Variants in SLC20A2 observed in about 807,000 individuals in gnomAD.
The protein encoded by SLC20A2 is sodium-dependent phosphate transporter 2.
Under a neutral mutation model 61.0 loss-of-function variants are expected in SLC20A2, and 30 were observed. The ratio of observed to expected loss-of-function variants is 0.49; its 90% CI spans 0.37 to 0.67. The LOEUF is 0.67. Among genes scored for constraint, SLC20A2 ranks in the 30% least tolerant of loss-of-function variants. SLC20A2 has a pLI of 0.00. For synonymous variants in SLC20A2, 351 were observed against 353.3 expected (o/e 0.99, Z 0.07); for missense variants, 626 against 866.4 (o/e 0.72, Z 3.48).
intron 1 of SLC20A2, among the ~76,000 whole-genome samples, chr8:42,493,771 A>C (rs865872391): frequency 6.6e-6 from 1 of 152,308 alleles, no homozygotes; most frequent in East Asian, 1.9e-4. Context: ...TGACCAGTAC[A>C]CATCAGTTTA....
intron 1 of SLC20A2, among the ~76,000 whole-genome samples, chr8:42,515,367 G>A (rs774696897): frequency 5.9e-5 from 9 of 152,144 alleles, no homozygotes; most frequent in Non-Finnish European, 1.5e-5. Context: ...TAGACATGCT[G>A]TGTTCAAGAT....
At chr8:42,539,881 T>G (rs553392423) in intron 1 of SLC20A2, among the ~76,000 whole-genome samples, 2 of 152,340 alleles carry the variant, frequency 1.3e-5, no homozygotes, top group East Asian at 3.8e-4. Context: ...AGGGACTAAT[T>G]GTACTTCTAT....
Position 42,424,625 on chromosome 8 carries a change from T to C in SLC20A2, c.1794+4133A>G, listed in dbSNP as rs532323413. Among the ~76,000 whole-genome samples, 7 of 152,340 alleles carry C rather than the reference T, an allele frequency of 4.6e-5. No individual in the cohort carries two copies. In the South Asian group the frequency reaches 1.4e-3, roughly 32 times the overall value. The stretch of plus-strand genomic sequence containing the variant: ...TCAAACAGACTGCCTTATATATGCC[T>C]TCTGGAATAAAATGTGATAACAGGA... On this transcript the variant is annotated intron_variant, in intron 10 of 10. Coordinates refer to ENST00000520262, the MANE Select transcript of SLC20A2 (RefSeq NM_001257180.2).
intron 1 of SLC20A2, among the ~76,000 whole-genome samples, chr8:42,509,907 G>T (rs1041474949): frequency 6.6e-6 from 1 of 152,150 alleles, no homozygotes; most frequent in Non-Finnish European, 1.5e-5. Flanking sequence ...GGCTTATTAA[G>T]TGCAACCTTC....
intron 8 of SLC20A2, 114 bp from the exon 9 acceptor site, chr8:42,430,363 TTTTC>T (rs1267579136): frequency 9.8e-6 from 9 of 918,642 alleles, no homozygotes; most frequent in South Asian, 5.6e-5. Flanking sequence ...GATATGATGT[TTTTC>T]TTTCTTTTTT....
intron 4 of SLC20A2, among the ~76,000 whole-genome samples, chr8:42,460,463 T>A (rs1363826943): frequency 6.6e-6 from 1 of 152,232 alleles, no homozygotes; most frequent in African/African-American, 2.4e-5. Context: ...GACTTCAGCA[T>A]CACTGCATTA....
chr8:42,442,346 T>A (rs1378613449), intron 6 of SLC20A2, among the ~76,000 whole-genome samples: 2 of 152,258 alleles, frequency 1.3e-5, no homozygotes, highest in Non-Finnish European at 2.9e-5. Flanking sequence ...TATTGTTTTT[T>A]AAATTTTATA....
chr8:42,459,529 G>A (rs1223831768), intron 5 of SLC20A2, among the ~76,000 whole-genome samples: 2 of 152,176 alleles, frequency 1.3e-5, no homozygotes, highest in East Asian at 3.8e-4. Context: ...GCACAACCCT[G>A]TAGGCCTGTG....
rs867055001 is a variant in SLC20A2, at chr8:42,449,061, A to G, written c.614-4299T>C. ...ACGGTTTTTCTCCTAAAAACTCAAG[A>G]CTGGCTTCTACACAACAACATTTTT... On this transcript the variant is annotated intron_variant, in intron 5 of 10. Transcript: ENST00000520262. 2.0e-5 allele frequency among the ~76,000 whole-genome samples: 3 copies of G among 152,332 alleles called. No individual in the cohort carries two copies. The East Asian group carries it at 5.8e-4, about 29-fold the overall frequency.
chr8:42,432,503 T>A (rs1288127970), intron 8 of SLC20A2, among the ~76,000 whole-genome samples: 1 of 152,244 alleles, frequency 6.6e-6, no homozygotes, highest in African/African-American at 2.4e-5. Flanking sequence ...CAAACTCAGT[T>A]ATCAGAGCAG....
intron 5 of SLC20A2, among the ~76,000 whole-genome samples, chr8:42,447,443 C>T (rs905235287): frequency 2.6e-5 from 4 of 152,024 alleles, no homozygotes; most frequent in African/African-American, 4.8e-5. Context: ...TTTGGGAGGC[C>T]AAGGCGGGCA....
At chr8:42,476,758 C>A (rs1808141103) in intron 1 of SLC20A2, among the ~76,000 whole-genome samples, 1 of 152,204 alleles carries the variant, frequency 6.6e-6, no homozygotes. Context: ...CCAGCAAGCA[C>A]CTGCCTGAGG....
At chr8:42,443,749 C>T in intron 6 of SLC20A2, among the ~76,000 whole-genome samples, 1 of 152,178 alleles carries the variant, frequency 6.6e-6, no homozygotes, top group African/African-American at 2.4e-5. Flanking sequence ...GAGCTGCCTT[C>T]TCCAACCCCC....
At chr8:42,512,219 A>T (rs1313645406) in intron 1 of SLC20A2, among the ~76,000 whole-genome samples, 1 of 152,150 alleles carries the variant, frequency 6.6e-6, no homozygotes, top group African/African-American at 2.4e-5. Context: ...TCTGTTTTTT[A>T]AAAATGCTCT....
At chr8:42,462,402 A>G (rs745624403) in intron 4 of SLC20A2, among the ~76,000 whole-genome samples, 1 of 152,178 alleles carries the variant, frequency 6.6e-6, no homozygotes, top group Non-Finnish European at 1.5e-5. Flanking sequence ...GGAAGCATGC[A>G]CTCAATAGTT....
At chr8:42,528,091 C>T (rs1323589233) in intron 1 of SLC20A2, among the ~76,000 whole-genome samples, 1 of 152,050 alleles carries the variant, frequency 6.6e-6, no homozygotes, top group East Asian at 1.9e-4. Context: ...CTTCTACAAC[C>T]AGGAACAAAG....
At chr8:42,508,454 G>A (rs550754286) in intron 1 of SLC20A2, among the ~76,000 whole-genome samples, 1 of 152,336 alleles carries the variant, frequency 6.6e-6, no homozygotes, top group Non-Finnish European at 1.5e-5. Flanking sequence ...GCAGTGGCAT[G>A]ATCTCAGCTC....
At chr8:42,476,691 GCT>G (rs1808135953) in intron 1 of SLC20A2, among the ~76,000 whole-genome samples, 1 of 152,184 alleles carries the variant, frequency 6.6e-6, no homozygotes, top group Admixed American at 6.5e-5. Flanking sequence ...TTGTGCCTAT[GCT>G]CTTTAGCGCG....
intron 5 of SLC20A2, among the ~76,000 whole-genome samples, chr8:42,459,204 C>G (rs1371545085): frequency 2.1e-5 from 3 of 141,024 alleles, no homozygotes; most frequent in African/African-American, 8.1e-5. Context: ...CGATTGCACT[C>G]CATCCTGGGT....
Sources: allele counts gnomAD v4.1 joint callset (sites outside exome capture counted in the v4.1 genomes callset), GRCh38; gene constraint gnomAD v4.1.1; transcripts MANE v1.5; gene names NCBI Gene and HGNC (gene_info 2026-07-23, HGNC 2026-07-21).